ANOS1: variants seen among roughly 807,000 people sequenced by gnomAD.
The protein encoded by ANOS1 is anosmin-1.
ANOS1 carries 6 observed loss-of-function variants against 59.0 expected under a neutral mutation model. The ratio of observed to expected loss-of-function variants is 0.10; its 90% confidence interval spans 0.06 to 0.20. The LOEUF (loss-of-function observed/expected upper bound fraction) is 0.20, where lower values mean the gene tolerates loss of function less well. Ranked by LOEUF, ANOS1 falls within the 10% of genes least tolerant of loss-of-function variation. ANOS1 has a pLI of 1.00. For missense variants in ANOS1, 433 were observed against 542.3 expected (o/e 0.80, Z 2.00); for synonymous variants, 217 against 223.4 (o/e 0.97, Z 0.25).
intron 2 of ANOS1, among the ~76,000 whole-genome samples, chrX:8,625,938 C>T (rs897842881): frequency 1.7e-4 from 18 of 107,929 alleles, no homozygotes; most frequent in African/African-American, 6.1e-4. Flanking sequence ...TGGTGAAAAC[C>T]TGTCTCTACT....
At chrX:8,585,432 C>T (rs1026605437) in intron 5 of ANOS1, 36 bp from the exon 6 acceptor site, 6 of 1,205,668 alleles carry the variant, frequency 5.0e-6, no homozygotes, top group Non-Finnish European at 6.7e-6. Flanking sequence ...GGGAACATGT[C>T]ACTTTTTATT....
intron 2 of ANOS1, among the ~76,000 whole-genome samples, chrX:8,662,892 C>T (rs997877695): frequency 2.1e-4 from 23 of 112,056 alleles, no homozygotes; most frequent in African/African-American, 7.4e-4. Flanking sequence ...GGCATGGTGG[C>T]AGGCACCTGT....
At chrX:8,598,805 T>C (rs1364308661) in intron 3 of ANOS1, among the ~76,000 whole-genome samples, 2 of 112,484 alleles carry the variant, frequency 1.8e-5, no homozygotes, top group Non-Finnish European at 3.8e-5. Flanking sequence ...TTTTCTTTTA[T>C]CAAAATGCAT....
chrX:8,610,362 C>T (rs1047106589), intron 3 of ANOS1, among the ~76,000 whole-genome samples: 4 of 111,378 alleles, frequency 3.6e-5, no homozygotes, highest in African/African-American at 1.3e-4. Flanking sequence ...ACAATTTTGC[C>T]AAAAAAATGA....
intron 2 of ANOS1, among the ~76,000 whole-genome samples, chrX:8,667,851 G>C (rs78796320): frequency 0.016 from 1,747 of 110,537 alleles, 86 homozygotes; most frequent in Admixed American, 0.13. Context: ...TTAGGAGAGT[G>C]GGGGAGCTGA....
chrX:8,619,333 A>C (rs182152892), intron 3 of ANOS1, among the ~76,000 whole-genome samples: 2,534 of 111,026 alleles, frequency 0.023, 35 homozygotes, highest in Non-Finnish European at 0.033. Flanking sequence ...TGGCCGGGCA[A>C]GGTGGCTCAC....
intron 2 of ANOS1, among the ~76,000 whole-genome samples, chrX:8,648,702 T>C (rs777228031): frequency 1.8e-5 from 2 of 112,120 alleles, no homozygotes; most frequent in Admixed American, 9.5e-5. Context: ...AGTAATATCA[T>C]AGAAATTACA....
At chrX:8,574,263 A>T (rs181502824) in intron 6 of ANOS1, among the ~76,000 whole-genome samples, 94 of 106,535 alleles carry the variant, frequency 8.8e-4, no homozygotes, top group African/African-American at 3.0e-3. Context: ...GCAGGTGGTG[A>T]CCCTATTTAA....
chrX:8,582,495 G>C (rs756022505), intron 6 of ANOS1, among the ~76,000 whole-genome samples: 143 of 111,478 alleles, frequency 1.3e-3, no homozygotes, highest in African/African-American at 4.5e-3. Flanking sequence ...AGGAGAAAGG[G>C]GGGGTCAACT....
rs1220728629 is a variant in ANOS1 at position 8,725,665 on chromosome X, CAGATATATATATACAGATATATATATAT to C, written c.207+6137_207+6164del. On this transcript the variant is annotated intron_variant, in intron 1 of 13. Coordinates refer to ENST00000262648, the MANE Select transcript of ANOS1 (RefSeq NM_000216.4). The stretch of plus-strand genomic sequence containing the variant: ...ATATATATACAGATATATATATATA[CAGATATATATATACAGATATATATATAT>C]ACAGATATATATATACAGATATATA... 7.1e-4 allele frequency among the ~76,000 whole-genome samples: 24 copies of C among 33,821 alleles called. 3 individuals carry two copies. Among genetic ancestry groups the C allele is most frequent in the African/African-American group, 5.7e-3 (24 of 4,193 alleles). 29.4% of individuals were successfully genotyped at this position (33,821 alleles called of 115,157 possible). A position where few individuals can be genotyped will look rare whatever the true frequency, so the allele number is the denominator to read the frequency against.
At position 8,533,535 on chromosome X, in the gene ANOS1, CAG is replaced by C. The variant is rs772887084; in HGVS notation, c.1985-484_1985-483del. 2.3e-3 allele frequency among the ~76,000 whole-genome samples: 260 copies of C among 111,949 alleles called. 2 individuals are homozygous for C. The highest frequency in any genetic ancestry group is 8.1e-3 in the African/African-American group (251 of 30,922). ...ATACCAATCTATCATTTAAAAAAAT[CAG>C]AGTTAAAACTATGACTAATTCTCAA... On this transcript the variant is annotated intron_variant, in intron 13 of 13. Coordinates refer to ENST00000262648, the MANE Select transcript of ANOS1 (RefSeq NM_000216.4).
At chrX:8,672,915 G>A (rs995619396) in intron 2 of ANOS1, among the ~76,000 whole-genome samples, 2 of 111,152 alleles carry the variant, frequency 1.8e-5, no homozygotes, top group African/African-American at 6.5e-5. Context: ...TAAAACCCAG[G>A]AAAATAACAA....
At chrX:8,649,537 C>A (rs767783723) in intron 2 of ANOS1, among the ~76,000 whole-genome samples, 21 of 111,969 alleles carry the variant, frequency 1.9e-4, no homozygotes, top group Middle Eastern at 4.2e-3. Flanking sequence ...TGTTGCCATA[C>A]GCCTTATTAT....
rs1929496147 is a variant in ANOS1, at chrX:8,531,459, A to G, written c.*1536T>C. The G allele has an allele frequency of 9.0e-6, 1 of 111,219 alleles. No homozygotes were observed. The highest frequency in any genetic ancestry group is 1.9e-5 in the Non-Finnish European group (1 of 53,032). 9.2% of individuals were successfully genotyped at this position (111,219 alleles called of 1,213,427 possible). A position where few individuals can be genotyped will look rare whatever the true frequency, so the allele number is the denominator to read the frequency against. ...TCAAAACCTAAGGATAATGTTACTG[A>G]TTTTCTTCCTGTTTTACTTAGGTAG... is the stretch of plus-strand genomic sequence containing the variant. On this transcript the variant is annotated 3_prime_UTR_variant, in exon 14 of 14. Coordinates refer to ENST00000262648, the MANE Select transcript of ANOS1 (RefSeq NM_000216.4).
At chrX:8,630,110 A>G (rs1420262478) in intron 2 of ANOS1, among the ~76,000 whole-genome samples, 1 of 112,261 alleles carries the variant, frequency 8.9e-6, no homozygotes, top group Admixed American at 9.5e-5. Context: ...AGTCCGCATC[A>G]GTGAATCATA....
At chrX:8,545,677 T>A (rs1346343798) in intron 9 of ANOS1, among the ~76,000 whole-genome samples, 2 of 112,145 alleles carry the variant, frequency 1.8e-5, no homozygotes, top group African/African-American at 6.5e-5. Context: ...TCTATGAAAC[T>A]ACATGCTACA....
intron 2 of ANOS1, among the ~76,000 whole-genome samples, chrX:8,664,157 G>A (rs1004806624): frequency 5.0e-4 from 56 of 111,858 alleles, no homozygotes; most frequent in African/African-American, 1.4e-3. Context: ...AAATCTGCAC[G>A]TCCTGCACAT....
chrX:8,594,658 GTATATATATATATATATATATATATA>G (rs767812487), intron 4 of ANOS1, among the ~76,000 whole-genome samples: 1,158 of 33,554 alleles, frequency 0.035, 35 homozygotes, highest in Non-Finnish European at 0.048. Context: ...ATATATATGT[GTATATATATATATATATATATATATA>G]TATATATATA....
intron 8 of ANOS1, among the ~76,000 whole-genome samples, chrX:8,556,577 G>A (rs146860775): frequency 0.039 from 4,304 of 110,904 alleles, 215 homozygotes; most frequent in African/African-American, 0.14. Flanking sequence ...CCCATTCACA[G>A]TTGCTACAAA....
Sources: gnomAD v4.1 joint callset for allele counts (sites outside exome capture counted in the v4.1 genomes callset) on GRCh38, gnomAD v4.1.1 for gene constraint, MANE v1.5 for transcripts, NCBI Gene and HGNC (gene_info 2026-07-23, HGNC 2026-07-21) for gene names.